The following EML4 variants were observed in gnomAD, a reference collection of about 807,000 sequenced individuals.
The protein encoded by EML4 is EMAP like 4.
In EML4, 72 loss-of-function variants were observed where a neutral mutation model predicts 129.0. That is an observed-to-expected ratio of 0.56 (90% CI 0.46 to 0.68). The LOEUF is 0.68. Ranked by LOEUF, EML4 falls within the 30% of genes least tolerant of loss-of-function variation. The probability of loss-of-function intolerance (pLI) is 0.00; values close to 1 mark genes in which losing one functional copy is unlikely to be tolerated. For missense variants in EML4, 1,363 were observed against 1,190.6 expected, an observed-to-expected ratio of 1.14 and a Z score of -2.13; for synonymous variants, 532 against 405.0, an observed-to-expected ratio of 1.31 and a Z score of -3.77.
intron 14 of EML4, 45 bp from the exon 15 acceptor site, chr2:42,303,059 A>G: frequency 6.3e-7 from 1 of 1,586,238 alleles, no homozygotes; most frequent in Non-Finnish European, 8.6e-7. Flanking sequence ...GTAGTAATTA[A>G]TGCATATTAG....
chr2:42,255,884 C>T (rs1676111150), intron 2 of EML4, among the ~76,000 whole-genome samples: 2 of 152,010 alleles, frequency 1.3e-5, no homozygotes. Context: ...AAAACTGAGT[C>T]CAAAAATTAA....
chr2:42,318,754 T>A (rs1397429252), intron 19 of EML4, among the ~76,000 whole-genome samples: 1 of 152,038 alleles, frequency 6.6e-6, no homozygotes, highest in Non-Finnish European at 1.5e-5. Flanking sequence ...TGAGACAGGG[T>A]CTTACTCTGT....
intron 19 of EML4, among the ~76,000 whole-genome samples, chr2:42,324,989 C>T (rs1463066158): frequency 2.0e-5 from 3 of 152,184 alleles, no homozygotes; most frequent in Non-Finnish European, 2.9e-5. Context: ...AGGATACCTC[C>T]ATAGACCATA....
intron 11 of EML4, among the ~76,000 whole-genome samples, chr2:42,291,148 T>C (rs1190996914): frequency 1.3e-5 from 2 of 152,306 alleles, no homozygotes; most frequent in East Asian, 3.9e-4. Context: ...GAATAATGTT[T>C]TCAGTGAATG....
intron 1 of EML4, among the ~76,000 whole-genome samples, chr2:42,243,986 G>C (rs1675203301): frequency 7.4e-6 from 1 of 134,360 alleles, no homozygotes; most frequent in Non-Finnish European, 1.6e-5. Flanking sequence ...TGCCCTCAGT[G>C]TAAGCCAACG....
Position 42,317,542 on chromosome 2 carries a change from A to C in EML4, c.2154+18A>C, listed in dbSNP as rs1199833381. The C allele has an allele frequency of 6.5e-7, 1 of 1,535,228 alleles. No homozygotes were observed. ...GGTGCACTGTAAGTAGTGAAGTAGA[A>C]CAAGTTGTAAAATTATTGGGAAATT... On this transcript the variant is annotated intron_variant, in intron 19 of 22. Transcript: ENST00000318522.
intron 1 of EML4, among the ~76,000 whole-genome samples, chr2:42,175,365 G>A (rs1012324894): frequency 4.7e-5 from 7 of 150,386 alleles, no homozygotes; most frequent in African/African-American, 4.9e-5. Context: ...CGCCTGCCTC[G>A]GCCTTCCAAA....
At chr2:42,200,112 A>C (rs1387899879) in intron 1 of EML4, among the ~76,000 whole-genome samples, 1 of 148,684 alleles carries the variant, frequency 6.7e-6, no homozygotes, top group Admixed American at 6.8e-5. Flanking sequence ...GATTGAGACC[A>C]TCCTGGCTAA....
At chr2:42,320,324 A>AT (rs755037468) in intron 19 of EML4, among the ~76,000 whole-genome samples, 138 of 142,010 alleles carry the variant, frequency 9.7e-4, no homozygotes, top group Non-Finnish European at 1.7e-3. Flanking sequence ...CCCTGTCTGT[A>AT]TTTTAAAAAA....
Position 42,304,529 on chromosome 2 carries a change from G to A in EML4, c.1945G>A (p.Ala649Thr). ...TTTTCATCCAAGTGGCACAGTGGTGGCCATAGGAACGCACTCAGGCAGGTA... is the reference window on the plus strand; with the variant it reads ...TTTTCATCCAAGTGGCACAGTGGTGACCATAGGAACGCACTCAGGCAGGTA... ...ADFHPSGTVV[A>T]IGTHSGRWFV... is the part of the protein sequence containing the mutation. Residue 649 changes from alanine (A) to threonine (T), a missense_variant, in exon 17 of 23, where the codon GCC (alanine) becomes ACC (threonine). Physicochemically the swap from Ala to Thr is moderately conservative, Grantham distance 58. Transcript: ENST00000318522. 1 of 1,614,032 alleles carries A rather than the reference G, an allele frequency of 6.2e-7. No homozygotes were observed. The highest frequency in any genetic ancestry group is 8.5e-7 in the Non-Finnish European group (1 of 1,179,942).
At chr2:42,302,269 C>A in intron 14 of EML4, among the ~76,000 whole-genome samples, 1 of 152,028 alleles carries the variant, frequency 6.6e-6, no homozygotes. Flanking sequence ...TGTTTTGATG[C>A]AGATATGCTG....
chr2:42,327,509 A>G (rs1364424384), intron 21 of EML4, among the ~76,000 whole-genome samples: 1 of 152,164 alleles, frequency 6.6e-6, no homozygotes, highest in Admixed American at 6.5e-5. Context: ...GTATTTTATT[A>G]TTATTTTGCG....
chr2:42,330,826 G>A lies in EML4; in HGVS notation c.*619G>A, dbSNP rs1343680664. The stretch of plus-strand genomic sequence containing the variant: ...CATGCTCTTAGTCTACTAGAGAGGT[G>A]CTGCCTTTTCTAAGTCATAATGAGG... On this transcript the variant is annotated 3_prime_UTR_variant, in exon 23 of 23. Coordinates refer to ENST00000318522, the MANE Select transcript of EML4 (RefSeq NM_019063.5). The A allele has an allele frequency of 9.5e-6, 2 of 210,032 alleles. No individual in the cohort carries two copies. The highest frequency in any genetic ancestry group is 1.9e-5 in the Non-Finnish European group (2 of 102,684). The allele number at this position is 210,032 out of a possible 1,614,324, so 13.0% of individuals were successfully genotyped here.
intron 1 of EML4, among the ~76,000 whole-genome samples, chr2:42,221,584 G>A (rs1275994331): frequency 2.7e-5 from 4 of 150,748 alleles, no homozygotes; most frequent in South Asian, 2.1e-4. Context: ...TAATTTTTGT[G>A]GTGTTTTTTT....
At chr2:42,301,771 C>A (rs1302560332) in intron 14 of EML4, among the ~76,000 whole-genome samples, 1 of 151,748 alleles carries the variant, frequency 6.6e-6, no homozygotes, top group African/African-American at 2.4e-5. Context: ...AAAAGAGGAT[C>A]CTGATAGTAC....
intron 1 of EML4, among the ~76,000 whole-genome samples, chr2:42,244,112 T>TTG (rs1675226511): frequency 1.4e-5 from 2 of 146,552 alleles, no homozygotes; most frequent in Non-Finnish European, 3.0e-5. Flanking sequence ...TTTTTTTTTT[T>TTG]TTTTTGAGAC....
intron 13 of EML4, 48 bp from the exon 14 acceptor site, chr2:42,301,193 C>G: frequency 6.5e-7 from 1 of 1,534,100 alleles, no homozygotes; most frequent in Non-Finnish European, 8.9e-7. Flanking sequence ...ACACTAAAAT[C>G]TGAAGAAAAG....
chr2:42,169,419 T>G lies in EML4; in HGVS notation c.-193T>G, dbSNP rs1250149274. 2.0e-6 allele frequency: 1 copy of G among 492,448 alleles called. No individual in the cohort carries two copies. Among genetic ancestry groups the G allele is most frequent in the Non-Finnish European group, 3.5e-6 (1 of 284,438 alleles). The allele number at this position is 492,448 out of a possible 1,614,324, so 30.5% of individuals were successfully genotyped here. On this transcript the variant is annotated 5_prime_UTR_variant, in exon 1 of 23. Coordinates refer to ENST00000318522, the MANE Select transcript of EML4 (RefSeq NM_019063.5). ...CGGCTGAGCGGCGCGGCTCTCAACG[T>G]GACGGGGAAGTGGTTCGGGCGGCCG... is the stretch of plus-strand genomic sequence containing the variant.
rs1282395921 is a variant in EML4, at chr2:42,195,221, T to C, written c.25+25585T>C. Among the ~76,000 whole-genome samples, 3 of 152,272 alleles carry C rather than the reference T, an allele frequency of 2.0e-5. No individual in the cohort carries two copies. In the East Asian group the frequency reaches 5.8e-4, roughly 29 times the overall value. On this transcript the variant is annotated intron_variant, in intron 1 of 22. Coordinates refer to ENST00000318522, the MANE Select transcript of EML4 (RefSeq NM_019063.5). ...ATTTGTTTCATTGCAAGTAAGAGGG[T>C]ATATGATAACTTCATCATGCTACCA...
Sources: allele counts gnomAD v4.1 joint callset (sites outside exome capture counted in the v4.1 genomes callset), GRCh38; gene constraint gnomAD v4.1.1; transcripts MANE v1.5; gene names NCBI Gene and HGNC (gene_info 2026-07-23, HGNC 2026-07-21).